The following ITPA variants were observed in gnomAD, a reference collection of about 807,000 sequenced individuals.
ITPA encodes the protein inosine triphosphatase.
In ITPA, 29 loss-of-function variants were observed where a neutral mutation model predicts 29.6. The observed-to-expected ratio is 0.98, with a 90% CI of 0.73 to 1.34. The LOEUF (loss-of-function observed/expected upper bound fraction) is 1.34. ITPA is among the 40% of genes most tolerant of loss of function. ITPA has a pLI of 0.00. For synonymous variants in ITPA, 103 were observed against 99.3 expected (o/e 1.04, Z -0.22); for missense variants, 241 against 251.5 (o/e 0.96, Z 0.28).
At chr20:3,209,414 C>T (rs1344051590), upstream of ITPA, 4 of 814,794 alleles carry the variant, frequency 4.9e-6, no homozygotes, top group South Asian at 1.4e-5. The surrounding 1 kb of genome is among the most constrained non-coding windows in gnomAD (Gnocchi z 4.6). Flanking sequence ...GCCCGATACG[C>T]GCCTTGGGGT....
chr20:3,224,797 T>G (rs763543946), downstream of ITPA, among the ~76,000 whole-genome samples: 1 of 152,186 alleles, frequency 6.6e-6, no homozygotes, highest in African/African-American at 2.4e-5. Flanking sequence ...GTACATAGGC[T>G]TGGGGCAGGG....
At chr20:3,223,322 C>T (rs1431031912) in intron 7 of ITPA, 44 bp from the exon 8 acceptor site, 4 of 1,464,532 alleles carry the variant, frequency 2.7e-6, no homozygotes, top group South Asian at 2.3e-5. Context: ...GGTGCACTTC[C>T]TTCCTGAATC....
chr20:3,222,700 G>A (rs2067496358), intron 7 of ITPA, among the ~76,000 whole-genome samples: 1 of 152,192 alleles, frequency 6.6e-6, no homozygotes, highest in Non-Finnish European at 1.5e-5. Flanking sequence ...AAGCTGGAGG[G>A]GCCCTTAGGG....
chr20:3,221,752 C>T, intron 6 of ITPA, 89 bp from the exon 7 acceptor site: 2 of 1,226,182 alleles, frequency 1.6e-6, no homozygotes, highest in Non-Finnish European at 2.4e-6. Context: ...ATCAAATTCA[C>T]AGACTCACCA....
intron 1 of ITPA, among the ~76,000 whole-genome samples, chr20:3,212,190 A>G (rs1320419354): frequency 1.3e-5 from 2 of 152,196 alleles, no homozygotes; most frequent in African/African-American, 4.8e-5. Flanking sequence ...AATAAAATAC[A>G]TAGGATTACA....
At chr20:3,219,415 C>A (rs1036138079) in intron 6 of ITPA, among the ~76,000 whole-genome samples, 1 of 151,796 alleles carries the variant, frequency 6.6e-6, no homozygotes, top group Non-Finnish European at 1.5e-5. Flanking sequence ...TCAAGATCAG[C>A]CTGGACACCA....
At chr20:3,220,150 A>G (rs1221981264) in intron 6 of ITPA, among the ~76,000 whole-genome samples, 4 of 150,452 alleles carry the variant, frequency 2.7e-5, no homozygotes, top group Admixed American at 1.3e-4. Flanking sequence ...GACAGCCTCC[A>G]CCTCCCAGGC....
In ITPA at chr20:3,223,301, G is replaced by A. The variant is rs76193668; in HGVS notation, c.489-65G>A. The A allele has an allele frequency of 3.8e-4, 450 of 1,172,840 alleles. 2 individuals carry two copies. The African/African-American group carries it at 6.2e-3, about 16-fold the overall frequency. 72.7% of individuals were successfully genotyped at this position (1,172,840 alleles called of 1,614,324 possible). A position where few individuals can be genotyped will look rare whatever the true frequency, so the allele number is the denominator to read the frequency against. ...GGTCTCCAGGGATGAGATGAGGTAGGGTTGGGAGGGGGTGCACTTCCTTCC... is the reference window on the plus strand; with the variant it reads ...GGTCTCCAGGGATGAGATGAGGTAGAGTTGGGAGGGGGTGCACTTCCTTCC... On this transcript the variant is annotated intron_variant, in intron 7 of 7. Coordinates refer to ENST00000380113, the MANE Select transcript of ITPA (RefSeq NM_033453.4).
chr20:3,209,418 T>C (rs899107610), upstream of ITPA: 12 of 840,188 alleles, frequency 1.4e-5, no homozygotes, highest in Non-Finnish European at 2.2e-5. This position sits in a 1 kb window ranked among gnomAD's most constrained non-coding sequence, Gnocchi z 4.6. Context: ...GATACGCGCC[T>C]TGGGGTCCGG....
At chr20:3,221,994 A>G in intron 7 of ITPA, 77 bp downstream of exon 7, 1 of 1,369,928 alleles carries the variant, frequency 7.3e-7, no homozygotes, top group Non-Finnish European at 1.0e-6. Context: ...TGCCCCGCCC[A>G]AGTGCAGGCA....
At chr20:3,220,180 G>A (rs1024525221) in intron 6 of ITPA, among the ~76,000 whole-genome samples, 1 of 151,850 alleles carries the variant, frequency 6.6e-6, no homozygotes. Context: ...CTCCCACCCT[G>A]GAGAGTAACT....
At chr20:3,209,490 A>G, upstream of ITPA, 1 of 1,487,716 alleles carries the variant, frequency 6.7e-7, no homozygotes, top group South Asian at 1.1e-5. This position sits in a 1 kb window ranked among gnomAD's most constrained non-coding sequence, Gnocchi z 4.6. Context: ...ACCAGCCGGA[A>G]GTTTTCTGTC....
chr20:3,204,382 C>CG (rs971202793), upstream of ITPA, among the ~76,000 whole-genome samples: 3 of 152,102 alleles, frequency 2.0e-5, no homozygotes, highest in Non-Finnish European at 4.4e-5. Context: ...TAGGGCACTG[C>CG]GGAAGCCCCA....
At chr20:3,226,839 C>G (rs1217851274), downstream of ITPA, among the ~76,000 whole-genome samples, 1 of 152,090 alleles carries the variant, frequency 6.6e-6, no homozygotes, top group Non-Finnish European at 1.5e-5. The surrounding 1 kb of genome is among the most constrained non-coding windows in gnomAD (Gnocchi z 4.4). Flanking sequence ...TCCCTGTTGT[C>G]GGCTGCCATT....
chr20:3,218,851 A>C (rs1205661612), intron 6 of ITPA: 6 of 608,666 alleles, frequency 9.9e-6, no homozygotes. Flanking sequence ...GTAGTTGCCT[A>C]CGCCTTGCTG....
chr20:3,220,860 G>A (rs910628241), intron 6 of ITPA, among the ~76,000 whole-genome samples: 6 of 152,038 alleles, frequency 3.9e-5, no homozygotes, highest in Admixed American at 2.0e-4. Flanking sequence ...CTGGTCCCTT[G>A]TATTTTTTTC....
intron 7 of ITPA, among the ~76,000 whole-genome samples, chr20:3,223,088 T>TC (rs771852923): frequency 6.4e-4 from 98 of 152,124 alleles, no homozygotes; most frequent in Non-Finnish European, 1.1e-3. Context: ...ATGCAGCTCA[T>TC]CCCCCCCTGT....
intron 4 of ITPA, 39 bp downstream of exon 4, chr20:3,214,097 C>T (rs1395410054): frequency 1.9e-6 from 3 of 1,574,180 alleles, no homozygotes; most frequent in Admixed American, 3.3e-5. Context: ...GGCGTCAGGC[C>T]CAAAACCACC....
rs1196215532 is a variant in ITPA at position 3,223,442 on chromosome 20, T to C, written c.565T>C (p.Phe189Leu). 12 of 1,612,638 alleles carry C rather than the reference T, an allele frequency of 7.4e-6. No homozygotes were observed. The highest frequency in any genetic ancestry group is 1.7e-5 in the Admixed American group (1 of 59,948). Residue 189 changes from phenylalanine (F) to leucine (L), a missense_variant, in exon 8 of 8, where the codon TTT (phenylalanine) becomes CTT (leucine). Coordinates refer to ENST00000380113, the MANE Select transcript of ITPA (RefSeq NM_033453.4). ...GGCCCTGCTGGAGCTGCAGGAGTAC[T>C]TTGGCAGTTTGGCAGCTTGACTTCT... ...FRALLELQEY[F>L]GSLAA
Sources: gnomAD v4.1 joint callset for allele counts (sites outside exome capture counted in the v4.1 genomes callset) on GRCh38, gnomAD v4.1.1 for gene constraint, Gnocchi (gnomAD v3.1) non-coding constraint, MANE v1.5 for transcripts, NCBI Gene and HGNC (gene_info 2026-07-23, HGNC 2026-07-21) for gene names.